MAPT: variants seen among roughly 807,000 people sequenced by gnomAD.
MAPT encodes the protein microtubule-associated protein tau.
Under a neutral mutation model 67.9 loss-of-function variants are expected in MAPT, and 34 were observed. That is an observed-to-expected ratio of 0.50 (90% CI 0.38 to 0.67). The LOEUF is 0.67. MAPT is among the 30% of genes least tolerant of loss of function. MAPT has a pLI of 0.00. For synonymous variants in MAPT, 456 were observed against 464.5 expected (o/e 0.98, Z 0.23); for missense variants, 881 against 1,115.2 (o/e 0.79, Z 2.99).
At chr17:45,919,454 C>T (rs986774196) in intron 1 of MAPT, among the ~76,000 whole-genome samples, 15 of 152,216 alleles carry the variant, frequency 9.9e-5, no homozygotes, top group African/African-American at 3.1e-4. Flanking sequence ...GTGGTCAGTT[C>T]GCCAGGCCGG....
intron 3 of MAPT, chr17:45,974,553 T>C: frequency 8.9e-7 from 1 of 1,128,740 alleles, no homozygotes; most frequent in Non-Finnish European, 1.3e-6. Context: ...GTGAGGGAGC[T>C]TTGCGTGTTT....
chr17:45,999,230 G>A, intron 9 of MAPT: 1 of 1,578,608 alleles, frequency 6.3e-7, no homozygotes, highest in Non-Finnish European at 8.6e-7. Flanking sequence ...TAAAGCCCCT[G>A]TAAACTCTGA....
intron 12 of MAPT, among the ~76,000 whole-genome samples, chr17:46,023,660 C>T (rs1329440267): frequency 6.6e-6 from 1 of 152,122 alleles, no homozygotes. Context: ...GGCAACATAG[C>T]AAAACCCCGT....
chr17:45,925,574 GT>G (rs34683530), intron 1 of MAPT, among the ~76,000 whole-genome samples: 78,219 of 152,050 alleles, frequency 0.51, 20,396 homozygotes, highest in Non-Finnish European at 0.54. Flanking sequence ...TCAAAGTGTT[GT>G]TTTATAACAG....
intron 11 of MAPT, among the ~76,000 whole-genome samples, chr17:46,018,147 GAAAA>G (rs34759303): frequency 8.5e-6 from 1 of 117,756 alleles, no homozygotes; most frequent in Non-Finnish European, 1.9e-5. Flanking sequence ...TCTGTCTCAA[GAAAA>G]AAAAAAAAAA....
chr17:45,992,798 G>A (rs1379819872), intron 8 of MAPT, among the ~76,000 whole-genome samples: 1 of 151,726 alleles, frequency 6.6e-6, no homozygotes, highest in African/African-American at 2.4e-5. Context: ...GGGTGAGGAA[G>A]GAGAATCACT....
rs548384159 is a variant in MAPT at position 45,945,786 on chromosome 17, C to G, written c.-17-16535C>G. On this transcript the variant is annotated intron_variant, in intron 1 of 12. Transcript: ENST00000262410. ...CGAGATCGCACCACTGTACTCAAAC[C>G]GAGGCAACAGAGGGAGACGCAATCT... Among the ~76,000 whole-genome samples the G allele has an allele frequency of 8.7e-5, 13 of 150,122 alleles. No individual in the cohort carries two copies. The East Asian group carries it at 1.2e-3, about 14-fold the overall frequency.
intron 1 of MAPT, among the ~76,000 whole-genome samples, chr17:45,935,689 T>A (rs1045867229): frequency 6.6e-6 from 1 of 152,188 alleles, no homozygotes; most frequent in African/African-American, 2.4e-5. Context: ...CCATCGCCTT[T>A]GACCAATGGT....
At position 45,971,378 on chromosome 17, in the gene MAPT, A is replaced by G. The variant is rs961964742; in HGVS notation, c.134-481A>G. 6.6e-6 allele frequency among the ~76,000 whole-genome samples: 1 copy of G among 152,152 alleles called. No homozygotes were observed. Among genetic ancestry groups the G allele is most frequent in the African/African-American group, 2.4e-5 (1 of 41,432 alleles). ...GCTTGGTGGCGTCCAAACACCACCC[A>G]ATGTCCACTTAGAAGTAAGCACCGT... On this transcript the variant is annotated intron_variant, in intron 2 of 12. Transcript: ENST00000262410. This position sits in a 1 kb window ranked among gnomAD's most constrained non-coding sequence, Gnocchi z 4.3.
intron 5 of MAPT, among the ~76,000 whole-genome samples, chr17:45,986,832 G>A (rs1002370688): frequency 6.6e-6 from 1 of 152,180 alleles, no homozygotes; most frequent in African/African-American, 2.4e-5. Context: ...TTGCCAGGTT[G>A]CGCTAATCAG....
chr17:45,999,510 T>C (rs1342771380), intron 9 of MAPT: 12 of 1,613,870 alleles, frequency 7.4e-6, no homozygotes, highest in South Asian at 5.5e-5. Flanking sequence ...GGCCCAGTTC[T>C]TACAGCTCTG....
At chr17:45,925,882 A>G (rs1361007490) in intron 1 of MAPT, among the ~76,000 whole-genome samples, 1 of 152,184 alleles carries the variant, frequency 6.6e-6, no homozygotes, top group Non-Finnish European at 1.5e-5. Flanking sequence ...TTGTTTTTAA[A>G]ATAAGAAAAA....
At chr17:45,999,419 C>T in intron 9 of MAPT, 1 of 1,614,062 alleles carries the variant, frequency 6.2e-7, no homozygotes, top group Non-Finnish European at 8.5e-7. Flanking sequence ...AGAGACAGAA[C>T]CCTCAGCTTA....
intron 1 of MAPT, among the ~76,000 whole-genome samples, chr17:45,943,743 C>A (rs964656302): frequency 6.6e-6 from 1 of 152,198 alleles, no homozygotes; most frequent in Non-Finnish European, 1.5e-5. Context: ...CTCTGTCCCC[C>A]CAGATCGCCT....
chr17:46,013,341 G>C (rs1433319239), intron 10 of MAPT, among the ~76,000 whole-genome samples: 1 of 152,216 alleles, frequency 6.6e-6, no homozygotes, highest in Non-Finnish European at 1.5e-5. Context: ...GCCTCCAAGG[G>C]ACCTGTCTGT....
chr17:45,911,566 G>A (rs1011489616), intron 1 of MAPT, among the ~76,000 whole-genome samples: 1 of 152,112 alleles, frequency 6.6e-6, no homozygotes, highest in Non-Finnish European at 1.5e-5. Flanking sequence ...TCCGAGACCA[G>A]CCTGGGCAAC....
At chr17:46,000,425 G>A (rs1182993844) in intron 9 of MAPT, among the ~76,000 whole-genome samples, 1 of 152,202 alleles carries the variant, frequency 6.6e-6, no homozygotes, top group African/African-American at 2.4e-5. Context: ...CAGCTGGGTA[G>A]GGGTAGAGAT....
At chr17:46,013,181 G>A (rs1047121164) in intron 10 of MAPT, among the ~76,000 whole-genome samples, 1 of 152,088 alleles carries the variant, frequency 6.6e-6, no homozygotes, top group African/African-American at 2.4e-5. Flanking sequence ...GTGCTTCCTC[G>A]GGAGCTGACT....
chr17:45,920,823 G>C (rs1368595600), intron 1 of MAPT, among the ~76,000 whole-genome samples: 1 of 152,192 alleles, frequency 6.6e-6, no homozygotes, highest in Non-Finnish European at 1.5e-5. Context: ...AAGGATAGCA[G>C]CAGCATGAGG....
Sources: allele counts gnomAD v4.1 joint callset (sites outside exome capture counted in the v4.1 genomes callset), GRCh38; gene constraint gnomAD v4.1.1; non-coding constraint Gnocchi (gnomAD v3.1); transcripts MANE v1.5; gene names NCBI Gene and HGNC (gene_info 2026-07-23, HGNC 2026-07-21).